Variants in PPP2R5A observed in about 807,000 individuals in gnomAD.
PPP2R5A encodes the protein protein phosphatase 2 regulatory subunit B'alpha.
A neutral mutation model predicts 64.2 loss-of-function variants in PPP2R5A; 25 were observed. The ratio of observed to expected loss-of-function variants is 0.39; its 90% confidence interval spans 0.28 to 0.54. The LOEUF (loss-of-function observed/expected upper bound fraction) is 0.54, where lower values mean the gene tolerates loss of function less well. PPP2R5A is among the 20% of genes least tolerant of loss of function. The pLI is 0.67. For missense variants in PPP2R5A, 425 were observed against 576.3 expected (o/e 0.74, Z 2.69); for synonymous variants, 198 against 201.2 (o/e 0.98, Z 0.13).
intron 1 of PPP2R5A, among the ~76,000 whole-genome samples, chr1:212,310,392 A>C (rs1241938313): frequency 6.6e-6 from 1 of 151,526 alleles, no homozygotes; most frequent in East Asian, 1.9e-4. Flanking sequence ...CAAAACCTCC[A>C]CTGTTTTTAA....
intron 1 of PPP2R5A, among the ~76,000 whole-genome samples, chr1:212,304,317 G>A (rs1334538714): frequency 1.3e-5 from 2 of 152,080 alleles, no homozygotes; most frequent in Admixed American, 6.5e-5. Context: ...TTGGGAGGCC[G>A]AGGTGGGTGG....
Position 212,286,159 on chromosome 1 carries a change from G to A in PPP2R5A, c.49G>A (p.Ala17Thr). The change falls in exon 1 of 13, where the codon GCC becomes ACC. Residue 17 changes from alanine to threonine, a missense_variant. Around this residue, in one of 4 missense-constraint regions of PPP2R5A, gnomAD observed 104 missense variants for 95.7 expected, o/e 1.09. Coordinates refer to ENST00000261461, the MANE Select transcript of PPP2R5A (RefSeq NM_006243.4). ...GGGGGCTGCCAGCGCCGCCATCTCG[G>A]CCTCGGAGAAAGTGGACGGCTTCAC... ...PAGAASAAIS[A>T]SEKVDGFTRK... 6.3e-7 allele frequency: 1 copy of A among 1,590,182 alleles called. No individual in the cohort carries two copies. Among genetic ancestry groups the A allele is most frequent in the Non-Finnish European group, 8.5e-7 (1 of 1,170,156 alleles).
intron 3 of PPP2R5A, among the ~76,000 whole-genome samples, chr1:212,340,138 T>A (rs1210441075): frequency 2.0e-5 from 3 of 150,426 alleles, no homozygotes; most frequent in African/African-American, 7.3e-5. Context: ...TAAAAATAAA[T>A]AAATATATAT....
intron 5 of PPP2R5A, among the ~76,000 whole-genome samples, chr1:212,347,074 ATTAT>A (rs772877230): frequency 6.6e-5 from 10 of 152,096 alleles, no homozygotes; most frequent in Non-Finnish European, 1.5e-4. Flanking sequence ...TTTCTTATTA[ATTAT>A]TAAGTTGAAT....
Position 212,309,168 on chromosome 1 carries a change from A to G in PPP2R5A, c.182-19967A>G, listed in dbSNP as rs1658977675. Reference sequence around the variant, plus strand: ...TGTTGACCTTGGCCACATTGGTGTCATAGAGCTTCTTCACAGCCTGTTTAA... The same window carrying G: ...TGTTGACCTTGGCCACATTGGTGTCGTAGAGCTTCTTCACAGCCTGTTTAA... On this transcript the variant is annotated intron_variant, in intron 1 of 12. Coordinates refer to ENST00000261461, the MANE Select transcript of PPP2R5A (RefSeq NM_006243.4). 4 of 1,304,666 alleles carry G rather than the reference A, an allele frequency of 3.1e-6. No homozygotes were observed. The South Asian group carries it at 4.7e-5, about 15-fold the overall frequency. The allele number at this position is 1,304,666 out of a possible 1,614,324, so 80.8% of individuals were successfully genotyped here. A position where few individuals can be genotyped will look rare whatever the true frequency, so the allele number is the denominator to read the frequency against.
intron 1 of PPP2R5A, among the ~76,000 whole-genome samples, chr1:212,311,324 C>T (rs1395234927): frequency 6.6e-6 from 1 of 151,974 alleles, no homozygotes; most frequent in Non-Finnish European, 1.5e-5. Context: ...AAAAATTAGT[C>T]GGGTGTGGTG....
chr1:212,360,565 T>G (rs1660061537), intron 12 of PPP2R5A, 73 bp from the exon 13 acceptor site: 1 of 1,307,394 alleles, frequency 7.6e-7, no homozygotes, highest in East Asian at 2.4e-5. Flanking sequence ...TGTTCTCCAG[T>G]AAGCTGTCAA....
At chr1:212,300,580 A>G (rs143698964) in intron 1 of PPP2R5A, among the ~76,000 whole-genome samples, 2,390 of 152,278 alleles carry the variant, frequency 0.016, 37 homozygotes, top group Middle Eastern at 0.041. Context: ...ATCTTCCCAT[A>G]TTTTCCCATG....
In PPP2R5A at chr1:212,345,181, A is replaced by T. The variant is rs1018926434; in HGVS notation, c.574-622A>T. 7.9e-5 allele frequency among the ~76,000 whole-genome samples: 12 copies of T among 151,116 alleles called. No homozygotes were observed. The South Asian group carries it at 1.7e-3, about 21-fold the overall frequency. Reference sequence around the variant, plus strand: ...CTGTCTTAAAAAAAAAAAAAAAAAAATTTGGCCTCATCTTTTAGTCCAGTG... The same window carrying T: ...CTGTCTTAAAAAAAAAAAAAAAAAATTTTGGCCTCATCTTTTAGTCCAGTG... On this transcript the variant is annotated intron_variant, in intron 4 of 12. Coordinates refer to ENST00000261461, the MANE Select transcript of PPP2R5A (RefSeq NM_006243.4).
At chr1:212,320,362 G>A (rs984696002) in intron 1 of PPP2R5A, among the ~76,000 whole-genome samples, 22 of 152,240 alleles carry the variant, frequency 1.4e-4, no homozygotes, top group Non-Finnish European at 2.5e-4. Context: ...CACAGACATG[G>A]CAACCATCCG....
Position 212,360,812 on chromosome 1 carries a change from A to G in PPP2R5A, c.*42A>G. ...CTCTGCCGGATAGGCAGAGTTTTGT[A>G]TGCTTTTTTGAAATATGTAAAAATT... On this transcript the variant is annotated 3_prime_UTR_variant, in exon 13 of 13. Coordinates refer to ENST00000261461, the MANE Select transcript of PPP2R5A (RefSeq NM_006243.4). 4 of 1,483,482 alleles carry G rather than the reference A, an allele frequency of 2.7e-6. No individual in the cohort carries two copies. The highest frequency in any genetic ancestry group is 1.4e-5 in the African/African-American group (1 of 69,790). The allele number at this position is 1,483,482 out of a possible 1,614,324, so 91.9% of individuals were successfully genotyped here.
At chr1:212,293,321 G>T (rs145081402) in intron 1 of PPP2R5A, among the ~76,000 whole-genome samples, 1 of 152,222 alleles carries the variant, frequency 6.6e-6, no homozygotes, top group Non-Finnish European at 1.5e-5. Flanking sequence ...GGACATGTGT[G>T]TATAAAATAA....
At chr1:212,305,181 C>T (rs1412626191) in intron 1 of PPP2R5A, among the ~76,000 whole-genome samples, 2 of 151,198 alleles carry the variant, frequency 1.3e-5, no homozygotes, top group Admixed American at 6.6e-5. Context: ...GGACTATAGG[C>T]GCCCGCTACC....
At chr1:212,310,849 A>G (rs1328176793) in intron 1 of PPP2R5A, among the ~76,000 whole-genome samples, 1 of 152,200 alleles carries the variant, frequency 6.6e-6, no homozygotes, top group African/African-American at 2.4e-5. Context: ...AGGATGAGAA[A>G]TGCTGATAGG....
chr1:212,325,398 CTT>C (rs1262772091), intron 1 of PPP2R5A, among the ~76,000 whole-genome samples: 1 of 152,096 alleles, frequency 6.6e-6, no homozygotes, highest in African/African-American at 2.4e-5. Flanking sequence ...AGGGAAAAGA[CTT>C]TGAACAAAGA....
At chr1:212,353,219 C>T (rs1232906427) in intron 8 of PPP2R5A, among the ~76,000 whole-genome samples, 1 of 152,238 alleles carries the variant, frequency 6.6e-6, no homozygotes, top group Non-Finnish European at 1.5e-5. Flanking sequence ...ACCCTCAGAT[C>T]CTTGTCACCC....
At chr1:212,353,723 A>G (rs1659927101) in intron 8 of PPP2R5A, among the ~76,000 whole-genome samples, 1 of 152,142 alleles carries the variant, frequency 6.6e-6, no homozygotes, top group Admixed American at 6.5e-5. Context: ...GCTTATATTT[A>G]TGGATTTTAG....
intron 1 of PPP2R5A, among the ~76,000 whole-genome samples, chr1:212,307,677 T>C (rs1463904475): frequency 2.0e-5 from 3 of 152,218 alleles, no homozygotes; most frequent in Non-Finnish European, 4.4e-5. Context: ...TACATAATTA[T>C]CTTTACTGGT....
At chr1:212,322,164 A>AG (rs1659312288) in intron 1 of PPP2R5A, among the ~76,000 whole-genome samples, 2 of 144,778 alleles carry the variant, frequency 1.4e-5, no homozygotes, top group African/African-American at 5.0e-5. Context: ...GCTCAGCATC[A>AG]GGGGGAGACC....
Sources: allele counts gnomAD v4.1 joint callset (sites outside exome capture counted in the v4.1 genomes callset), GRCh38; gene constraint gnomAD v4.1.1; regional missense constraint gnomAD v4.1.1; transcripts MANE v1.5; gene names NCBI Gene and HGNC (gene_info 2026-07-23, HGNC 2026-07-21).